STPG2: variants seen among roughly 807,000 people sequenced by gnomAD.
STPG2 encodes sperm-tail PG-rich repeat-containing protein 2.
Under a neutral mutation model 54.2 loss-of-function variants are expected in STPG2, and 56 were observed. That is an observed-to-expected ratio of 1.03 (90% CI 0.83 to 1.29). The LOEUF (loss-of-function observed/expected upper bound fraction) is 1.29. Ranked by LOEUF, STPG2 falls within the 50% of genes most tolerant of loss-of-function variation. The pLI, the probability that STPG2 is intolerant of heterozygous loss-of-function variation, is 0.00. For missense variants in STPG2, 596 were observed against 544.9 expected, an observed-to-expected ratio of 1.09 and a Z score of -0.93; for synonymous variants, 200 against 181.8, an observed-to-expected ratio of 1.10 and a Z score of -0.81.
At chr4:97,494,787 T>C (rs1183578050) in intron 4 of STPG2, among the ~76,000 whole-genome samples, 1 of 151,560 alleles carries the variant, frequency 6.6e-6, no homozygotes, top group Non-Finnish European at 1.5e-5. Context: ...TGGTCAAAGA[T>C]GGCTACAACA....
chr4:97,611,351 A>AAC lies in STPG2; in HGVS notation c.1321-52236_1321-52235dup, dbSNP rs997371463. 6.6e-5 allele frequency among the ~76,000 whole-genome samples: 10 copies of AAC among 151,840 alleles called. 1 individual carries two copies. The highest frequency in any genetic ancestry group is 2.0e-4 in the Admixed American group (3 of 15,146). ...CAAAACAAGGAAGCCAGATGATGGTAACACACACACAAAAAAACAGATAAA... is the reference window on the plus strand; with the variant it reads ...CAAAACAAGGAAGCCAGATGATGGTAACACACACACACAAAAAAACAGATAAA... On this transcript the variant is annotated intron_variant, in intron 10 of 10. Transcript: ENST00000295268.
At chr4:97,861,085 C>T (rs1346455681) in intron 8 of STPG2, among the ~76,000 whole-genome samples, 2 of 152,094 alleles carry the variant, frequency 1.3e-5, no homozygotes, top group African/African-American at 2.4e-5. Flanking sequence ...AAAATATTTA[C>T]AAACTATCCA....
At chr4:97,770,097 G>C (rs962944198) in intron 9 of STPG2, among the ~76,000 whole-genome samples, 3 of 152,064 alleles carry the variant, frequency 2.0e-5, no homozygotes, top group African/African-American at 7.2e-5. Flanking sequence ...TGTAATCCCA[G>C]CTACTCAGGA....
chr4:98,080,776 T>A (rs1383632982), intron 5 of STPG2, among the ~76,000 whole-genome samples: 2 of 152,226 alleles, frequency 1.3e-5, no homozygotes, highest in Non-Finnish European at 2.9e-5. Flanking sequence ...CAACCAGCAG[T>A]GCTTTAAAAT....
intron 8 of STPG2, among the ~76,000 whole-genome samples, chr4:97,880,730 G>A (rs747056823): frequency 2.3e-4 from 35 of 151,908 alleles, no homozygotes; most frequent in Non-Finnish European, 1.2e-4. Context: ...GAGCATTTTT[G>A]CATTTTTGCA....
intron 10 of STPG2, among the ~76,000 whole-genome samples, chr4:97,635,674 A>C (rs1721490283): frequency 6.6e-6 from 1 of 152,172 alleles, no homozygotes; most frequent in Admixed American, 6.6e-5. Context: ...AAACAAAAAA[A>C]GGCAGGGGTT....
intron 4 of STPG2, among the ~76,000 whole-genome samples, chr4:97,501,936 A>T (rs1191515056): frequency 2.0e-5 from 3 of 151,990 alleles, no homozygotes; most frequent in African/African-American, 7.2e-5. Flanking sequence ...GGACCAAAAT[A>T]GTCAAATTGA....
At chr4:97,591,840 C>T (rs1027317153) in intron 10 of STPG2, among the ~76,000 whole-genome samples, 5 of 152,088 alleles carry the variant, frequency 3.3e-5, no homozygotes, top group African/African-American at 1.2e-4. Flanking sequence ...TTAAGATTTC[C>T]AGAGTAGAAT....
chr4:97,873,548 T>C (rs570201792), intron 8 of STPG2, among the ~76,000 whole-genome samples: 1 of 151,592 alleles, frequency 6.6e-6, no homozygotes, highest in Non-Finnish European at 1.5e-5. Context: ...ATGTATCTTC[T>C]CTTTTAATAT....
At chr4:97,965,161 T>A (rs1296201124) in intron 7 of STPG2, among the ~76,000 whole-genome samples, 1 of 152,230 alleles carries the variant, frequency 6.6e-6, no homozygotes, top group Non-Finnish European at 1.5e-5. Flanking sequence ...TCCCATAGTC[T>A]TAGCAACCGA....
chr4:98,056,547 G>A (rs914282049), intron 5 of STPG2, among the ~76,000 whole-genome samples: 2 of 152,122 alleles, frequency 1.3e-5, no homozygotes, highest in Non-Finnish European at 2.9e-5. Context: ...GTTGGGAGCT[G>A]TGTGCTGGCC....
intron 5 of STPG2, among the ~76,000 whole-genome samples, chr4:98,019,560 A>C (rs1484629541): frequency 6.6e-6 from 1 of 151,782 alleles, no homozygotes; most frequent in Non-Finnish European, 1.5e-5. Flanking sequence ...GAAGAAAGGC[A>C]TTGGTAGCTT....
At chr4:97,564,432 C>T (rs976912458) in intron 10 of STPG2, among the ~76,000 whole-genome samples, 3 of 151,768 alleles carry the variant, frequency 2.0e-5, no homozygotes, top group African/African-American at 4.9e-5. Context: ...AGTCCATTTA[C>T]ATTTAAAGTT....
rs1019688526 is a variant in STPG2, at chr4:97,603,680, C to T, written c.1321-44563G>A. Among the ~76,000 whole-genome samples the T allele has an allele frequency of 3.3e-5, 5 of 151,360 alleles. No individual in the cohort carries two copies. In the South Asian group the frequency reaches 6.2e-4, roughly 19 times the overall value. Reference sequence around the variant, plus strand: ...TTCAGGAAGGAAATTCTGATACATGCTAAATCATGGATGAACCTTGAGGGT... The same window carrying T: ...TTCAGGAAGGAAATTCTGATACATGTTAAATCATGGATGAACCTTGAGGGT... On this transcript the variant is annotated intron_variant, in intron 10 of 10. Coordinates refer to ENST00000295268, the MANE Select transcript of STPG2 (RefSeq NM_174952.3).
chr4:97,878,067 G>A (rs1032692862), intron 8 of STPG2, among the ~76,000 whole-genome samples: 2 of 152,168 alleles, frequency 1.3e-5, no homozygotes, highest in African/African-American at 4.8e-5. Flanking sequence ...GCTCCAAAAT[G>A]ATCTCCTTTG....
chr4:97,539,166 T>C, intron 4 of STPG2, among the ~76,000 whole-genome samples: 1 of 152,198 alleles, frequency 6.6e-6, no homozygotes, highest in East Asian at 1.9e-4. Context: ...AACATCATAA[T>C]GACAGGATCA....
intron 9 of STPG2, among the ~76,000 whole-genome samples, chr4:97,723,740 G>A (rs1054644908): frequency 2.0e-5 from 3 of 152,124 alleles, no homozygotes; most frequent in African/African-American, 7.2e-5. Context: ...GAAATGTACA[G>A]GCATGGTGGA....
At chr4:97,650,676 T>C (rs997827393) in intron 10 of STPG2, among the ~76,000 whole-genome samples, 1 of 152,140 alleles carries the variant, frequency 6.6e-6, no homozygotes, top group Non-Finnish European at 1.5e-5. Flanking sequence ...ACATGTTTCC[T>C]ATTCAGACCT....
intron 10 of STPG2, among the ~76,000 whole-genome samples, chr4:97,693,977 A>G (rs1723468052): frequency 6.6e-6 from 1 of 152,184 alleles, no homozygotes; most frequent in Admixed American, 6.5e-5. Flanking sequence ...GATAATAGTG[A>G]CACAACCTAT....
Sources: gnomAD v4.1 joint callset for allele counts (sites outside exome capture counted in the v4.1 genomes callset) on GRCh38, gnomAD v4.1.1 for gene constraint, MANE v1.5 for transcripts, NCBI Gene and HGNC (gene_info 2026-07-23, HGNC 2026-07-21) for gene names.